The following FAM13A variants were observed in gnomAD, a reference collection of about 807,000 sequenced individuals.
The protein encoded by FAM13A is family with sequence similarity 13 member A.
In FAM13A, 76 loss-of-function variants were observed where a neutral mutation model predicts 129.6. The observed-to-expected ratio is 0.59, with a 90% CI of 0.49 to 0.71. The LOEUF is 0.71. FAM13A is among the 30% of genes least tolerant of loss of function. The probability of loss-of-function intolerance (pLI) is 0.00; values close to 1 mark genes in which losing one functional copy is unlikely to be tolerated. For synonymous variants in FAM13A, 443 were observed against 449.9 expected (o/e 0.98, Z 0.20); for missense variants, 1,108 against 1,249.3 (o/e 0.89, Z 1.70).
intron 3 of FAM13A, among the ~76,000 whole-genome samples, chr4:89,001,385 G>A (rs2149053563): frequency 6.6e-6 from 1 of 152,272 alleles, no homozygotes; most frequent in South Asian, 2.1e-4. Flanking sequence ...TTGGGTTTAA[G>A]TCTTTACTTA....
chr4:88,941,111 T>C (rs887450484), intron 4 of FAM13A, among the ~76,000 whole-genome samples: 1 of 152,158 alleles, frequency 6.6e-6, no homozygotes, highest in African/African-American at 2.4e-5. Flanking sequence ...TAGGAGACCA[T>C]TGTTTTGGAC....
At chr4:88,972,743 A>T (rs1482074362) in intron 4 of FAM13A, among the ~76,000 whole-genome samples, 4 of 152,002 alleles carry the variant, frequency 2.6e-5, no homozygotes, top group Admixed American at 2.6e-4. Context: ...AGTAGCTGGG[A>T]CTACAGGTGT....
Position 88,781,238 on chromosome 4 carries a change from T to C in FAM13A, c.1385A>G (p.Glu462Gly), listed in dbSNP as rs1184014302. The change falls in exon 11 of 24, where the codon GAA becomes GGA. Residue 462 changes from glutamate to glycine, a missense_variant. By Grantham distance (98) the Glu-to-Gly change is moderately conservative. Around this residue, in one of 3 missense-constraint regions of FAM13A, gnomAD observed 566 missense variants for 595.7 expected, o/e 0.95. Transcript: ENST00000264344. ...VHKNTFGCAG[E>G]RSKPKRQKSS... Reference sequence around the variant, plus strand: ...TTTCTGACGTTTAGGCTTGCTCCTTTCTCCAGCACAACCAAAAGTATTTTT... The same window carrying C: ...TTTCTGACGTTTAGGCTTGCTCCTTCCTCCAGCACAACCAAAAGTATTTTT... The C allele has an allele frequency of 6.2e-7, 1 of 1,612,882 alleles. No individual in the cohort carries two copies. Among genetic ancestry groups the C allele is most frequent in the Non-Finnish European group, 8.5e-7 (1 of 1,179,378 alleles).
rs776720799 is a variant in FAM13A, at chr4:88,739,053, G to A, written c.2539C>T (p.Arg847Ter). The change falls in exon 20 of 24, where the codon CGA becomes TGA. Residue 847 changes from arginine to a stop codon, truncating the protein, a stop_gained. Coordinates refer to ENST00000264344, the MANE Select transcript of FAM13A (RefSeq NM_014883.4). LOFTEE classifies it high-confidence loss of function. ...RYRLVKQILS[R>*]ANTIPIIGSP... is the part of the protein sequence containing the mutation. Reference sequence around the variant, plus strand: ...ACAATGATGGGTATGGTGTTAGCTCGGGAGAGGATCTGTTTGACCAGCCGG... The same window carrying A: ...ACAATGATGGGTATGGTGTTAGCTCAGGAGAGGATCTGTTTGACCAGCCGG... 3 of 1,613,176 alleles carry A rather than the reference G, an allele frequency of 1.9e-6. No individual in the cohort carries two copies. The highest frequency in any genetic ancestry group is 2.2e-5 in the East Asian group (1 of 44,862).
At chr4:88,919,040 T>G (rs1291023600) in intron 5 of FAM13A, among the ~76,000 whole-genome samples, 1 of 152,234 alleles carries the variant, frequency 6.6e-6, no homozygotes, top group Non-Finnish European at 1.5e-5. Context: ...GGTTTTATAA[T>G]CTTTTACAGA....
intron 1 of FAM13A, among the ~76,000 whole-genome samples, chr4:89,048,592 A>C (rs981815585): frequency 5.9e-5 from 9 of 152,188 alleles, no homozygotes; most frequent in African/African-American, 2.2e-4. Flanking sequence ...GTTATACCTC[A>C]AAAGAGCTGT....
intron 3 of FAM13A, among the ~76,000 whole-genome samples, chr4:89,005,353 G>A (rs1472215153): frequency 6.6e-6 from 1 of 152,070 alleles, no homozygotes; most frequent in Non-Finnish European, 1.5e-5. Context: ...CTTTGCTATT[G>A]TGAATAGTGC....
At chr4:88,832,214 T>TATACTAA (rs1396513031) in intron 7 of FAM13A, among the ~76,000 whole-genome samples, 1 of 152,176 alleles carries the variant, frequency 6.6e-6, no homozygotes, top group Non-Finnish European at 1.5e-5. Context: ...ACCCCTTCCT[T>TATACTAA]ATACCTTATA....
chr4:88,802,153 A>G (rs1727595536), intron 8 of FAM13A, among the ~76,000 whole-genome samples: 1 of 152,204 alleles, frequency 6.6e-6, no homozygotes, highest in South Asian at 2.1e-4. Context: ...CATCCTGGCC[A>G]AGAACATTCT....
chr4:88,949,957 T>G (rs997641085), intron 4 of FAM13A, among the ~76,000 whole-genome samples: 1 of 152,204 alleles, frequency 6.6e-6, no homozygotes, highest in African/African-American at 2.4e-5. Context: ...CATGTCTACA[T>G]AGTAATCAAT....
At chr4:88,993,676 G>C (rs193267111) in intron 3 of FAM13A, among the ~76,000 whole-genome samples, 127 of 152,208 alleles carry the variant, frequency 8.3e-4, no homozygotes, top group African/African-American at 2.8e-3. Context: ...GATGTATTTA[G>C]AGAGTTTCAT....
At chr4:88,885,416 C>A (rs562804276) in intron 6 of FAM13A, among the ~76,000 whole-genome samples, 58 of 152,146 alleles carry the variant, frequency 3.8e-4, no homozygotes, top group African/African-American at 1.3e-3. Context: ...GAAAGGACAC[C>A]CTACTCAACA....
chr4:88,983,686 T>A (rs1251891865), intron 4 of FAM13A, among the ~76,000 whole-genome samples: 1 of 152,164 alleles, frequency 6.6e-6, no homozygotes, highest in Non-Finnish European at 1.5e-5. Context: ...GCTCACATAT[T>A]GGGAGATTTA....
chr4:88,907,991 T>C (rs1010577126), intron 5 of FAM13A, among the ~76,000 whole-genome samples: 3 of 152,214 alleles, frequency 2.0e-5, no homozygotes, highest in African/African-American at 7.2e-5. Flanking sequence ...GTTCTCAGGT[T>C]TGTGCTAGGG....
At chr4:88,794,226 T>C (rs1238560591) in intron 8 of FAM13A, among the ~76,000 whole-genome samples, 1 of 151,958 alleles carries the variant, frequency 6.6e-6, no homozygotes, top group Non-Finnish European at 1.5e-5. Flanking sequence ...AGATGCTCAC[T>C]CATATGCAGA....
At chr4:88,877,118 T>A (rs1214466336) in intron 6 of FAM13A, among the ~76,000 whole-genome samples, 1 of 152,226 alleles carries the variant, frequency 6.6e-6, no homozygotes. Context: ...GGTCTTCTTT[T>A]TGGTGCTTTT....
intron 3 of FAM13A, among the ~76,000 whole-genome samples, chr4:88,999,178 T>C (rs2149046644): frequency 1.3e-5 from 2 of 152,312 alleles, no homozygotes; most frequent in South Asian, 4.1e-4. Flanking sequence ...TTTTACACTT[T>C]AGTCCTATAA....
At chr4:88,831,354 T>C (rs1198865707) in intron 7 of FAM13A, among the ~76,000 whole-genome samples, 1 of 152,230 alleles carries the variant, frequency 6.6e-6, no homozygotes, top group Non-Finnish European at 1.5e-5. Flanking sequence ...TAAATGATAT[T>C]TCCTGACAGC....
chr4:88,933,471 C>A (rs1387988551), intron 5 of FAM13A, among the ~76,000 whole-genome samples: 1 of 152,050 alleles, frequency 6.6e-6, no homozygotes, highest in East Asian at 1.9e-4. Flanking sequence ...TTTCTCTTCT[C>A]CTTCACTTTA....
Sources: allele counts gnomAD v4.1 joint callset (sites outside exome capture counted in the v4.1 genomes callset), GRCh38; gene constraint gnomAD v4.1.1; regional missense constraint gnomAD v4.1.1; transcripts MANE v1.5; gene names NCBI Gene and HGNC (gene_info 2026-07-23, HGNC 2026-07-21).